Variants in PCDHGA4 observed in about 807,000 individuals in gnomAD.
PCDHGA4 encodes protocadherin gamma-A4.
PCDHGA4 carries 38 observed loss-of-function variants against 54.6 expected under a neutral mutation model. The observed-to-expected ratio is 0.70, with a 90% CI of 0.54 to 0.91. PCDHGA4 has a LOEUF of 0.91. Ranked by LOEUF, PCDHGA4 falls within the 40% of genes least tolerant of loss-of-function variation. The pLI, the probability that PCDHGA4 is intolerant of heterozygous loss-of-function variation, is 0.00. For missense variants in PCDHGA4, 1,298 were observed against 1,220.9 expected (o/e 1.06, Z -0.94); for synonymous variants, 511 against 512.9 (o/e 1.00, Z 0.05).
chr5:141,423,887 T>C, intron 1 of PCDHGA4: 2 of 1,282,240 alleles, frequency 1.6e-6, no homozygotes, highest in Non-Finnish European at 2.0e-6. Context: ...CTTGGCATAT[T>C]TTCTTTTGAT....
At chr5:141,435,103 G>A (rs1468698388) in intron 1 of PCDHGA4, among the ~76,000 whole-genome samples, 2 of 151,914 alleles carry the variant, frequency 1.3e-5, no homozygotes, top group African/African-American at 2.4e-5. Flanking sequence ...TTTATCTAGG[G>A]GGGAGAAATC....
chr5:141,393,683 G>T lies in PCDHGA4; in HGVS notation c.2514+36062G>T, dbSNP rs370409157. ...GGAAAATTAATGAAAAACAAACTCC[G>T]TTATTCCAGCTTAATGAAAATACTG... On this transcript the variant is annotated intron_variant, in intron 1 of 3. Transcript: ENST00000571252. The T allele has an allele frequency of 2.1e-5, 34 of 1,613,732 alleles. 1 individual carries two copies. The South Asian group carries it at 3.7e-4, about 18-fold the overall frequency.
intron 1 of PCDHGA4, chr5:141,377,057 C>A (rs72790015): frequency 0.063 from 9,654 of 152,822 alleles, 351 homozygotes; most frequent in African/African-American, 0.097. Context: ...TTTTCTTAGC[C>A]CTTTGCAGAG....
Position 141,432,211 on chromosome 5 carries a change from C to A in PCDHGA4, c.2515-62596C>A, listed in dbSNP as rs1390215329. On this transcript the variant is annotated intron_variant, in intron 1 of 3. Coordinates refer to ENST00000571252, the MANE Select transcript of PCDHGA4 (RefSeq NM_018917.4). The surrounding 1 kb of genome is among the most constrained non-coding windows in gnomAD (Gnocchi z 6.0). The stretch of plus-strand genomic sequence containing the variant: ...CCCACGACCCCGACTGTGAAGAGAA[C>A]GCCCAGATCACTTATTCCCTGGCTG... 1 of 1,614,232 alleles carries A rather than the reference C, an allele frequency of 6.2e-7. No individual in the cohort carries two copies. Among genetic ancestry groups the A allele is most frequent in the Admixed American group, 1.7e-5 (1 of 60,032 alleles).
chr5:141,376,010 G>A (rs1479116283), intron 1 of PCDHGA4: 4 of 1,613,424 alleles, frequency 2.5e-6, no homozygotes, highest in Middle Eastern at 1.7e-4. Flanking sequence ...GCAGAGCCTA[G>A]TGGTGGCCGT....
chr5:141,364,962 T>G, intron 1 of PCDHGA4: 1 of 1,613,878 alleles, frequency 6.2e-7, no homozygotes, highest in South Asian at 1.1e-5. Context: ...CACGACCTCC[T>G]CCTCACAGCT....
At chr5:141,464,116 T>A (rs1195883274) in intron 1 of PCDHGA4, among the ~76,000 whole-genome samples, 1 of 151,922 alleles carries the variant, frequency 6.6e-6, no homozygotes, top group African/African-American at 2.4e-5. Context: ...AATACAAAAA[T>A]TAGCTGGGTG....
At chr5:141,417,626 T>A (rs1156653216) in intron 1 of PCDHGA4, 3 of 689,458 alleles carry the variant, frequency 4.4e-6, no homozygotes, top group Non-Finnish European at 6.8e-6. Context: ...GAGCAAGCGC[T>A]GACGCCGGGG....
At chr5:141,482,611 G>T (rs1016481108) in intron 1 of PCDHGA4, among the ~76,000 whole-genome samples, 1 of 150,398 alleles carries the variant, frequency 6.6e-6, no homozygotes, top group Admixed American at 6.6e-5. Context: ...ACACCTAAAT[G>T]AGCCTGGAGA....
intron 1 of PCDHGA4, among the ~76,000 whole-genome samples, chr5:141,407,497 G>GTTTTTTTTTTTTTT (rs1554102286): frequency 6.6e-6 from 1 of 152,090 alleles, no homozygotes; most frequent in African/African-American, 2.4e-5. Context: ...CTTTATTTCT[G>GTTTTTTTTTTTTTT]TTTTTCTTAG....
chr5:141,363,612 G>T (rs961880726), intron 1 of PCDHGA4, among the ~76,000 whole-genome samples: 11 of 152,222 alleles, frequency 7.2e-5, no homozygotes, highest in Admixed American at 3.3e-4. Flanking sequence ...GTCTGAGATA[G>T]TGGAGAGACT....
chr5:141,372,042 G>T (rs373749332), intron 1 of PCDHGA4: 26 of 1,613,362 alleles, frequency 1.6e-5, no homozygotes, highest in African/African-American at 2.7e-5. Flanking sequence ...GAGCCTGCGC[G>T]TGTTGGTGGA....
In PCDHGA4 at chr5:141,489,242, TG is replaced by T; in HGVS notation, c.2515-5561del. 6.5e-7 allele frequency: 1 copy of T among 1,534,498 alleles called. No homozygotes were observed. The highest frequency in any genetic ancestry group is 2.3e-5 in the East Asian group (1 of 44,312). On this transcript the variant is annotated intron_variant, in intron 1 of 3. Transcript: ENST00000571252. The surrounding 1 kb of genome is among the most constrained non-coding windows in gnomAD (Gnocchi z 4.5). ...TCTCCACAAAGGGACTTCTGGGTCA[TG>T]GGGCCCAAGACACTCCCACAGCTCG...
intron 1 of PCDHGA4, chr5:141,372,263 G>T (rs373583904): frequency 2.5e-6 from 4 of 1,613,110 alleles, no homozygotes; most frequent in African/African-American, 1.3e-5. Flanking sequence ...GCCTGCGCAC[G>T]GGTGAGGTGC....
Position 141,370,856 on chromosome 5 carries a change from G to A in PCDHGA4, c.2514+13235G>A, listed in dbSNP as rs752174657. On this transcript the variant is annotated intron_variant, in intron 1 of 3. Coordinates refer to ENST00000571252, the MANE Select transcript of PCDHGA4 (RefSeq NM_018917.4). ...CTCTCACTGGAGCCACATTTGCCCT[G>A]GAATCTGCGCAAGATCCTGATGTAG... The A allele has an allele frequency of 1.9e-6, 3 of 1,613,928 alleles. No homozygotes were observed. The East Asian group carries it at 6.7e-5, about 36-fold the overall frequency.
chr5:141,419,269 C>G (rs1456612499), intron 1 of PCDHGA4: 1 of 1,614,034 alleles, frequency 6.2e-7, no homozygotes, highest in Admixed American at 1.7e-5. Flanking sequence ...CGGGTGCCTC[C>G]ATAGCGCAAG....
At chr5:141,430,786 C>G (rs992448490) in intron 1 of PCDHGA4, 1 of 1,513,352 alleles carries the variant, frequency 6.6e-7, no homozygotes, top group Non-Finnish European at 8.8e-7. Context: ...TGCACCGGGA[C>G]TACAAAGGGC....
chr5:141,500,520 T>TA (rs2099801149), intron 2 of PCDHGA4, among the ~76,000 whole-genome samples: 2 of 152,312 alleles, frequency 1.3e-5, no homozygotes, highest in Admixed American at 1.3e-4. Flanking sequence ...AGCTTCATTT[T>TA]AAAAAAATCT....
intron 1 of PCDHGA4, among the ~76,000 whole-genome samples, chr5:141,470,239 A>G (rs978204909): frequency 1.3e-5 from 2 of 152,232 alleles, no homozygotes; most frequent in African/African-American, 2.4e-5. Flanking sequence ...AAACCCTTGA[A>G]TGTCCCACCT....
Sources: allele counts gnomAD v4.1 joint callset (sites outside exome capture counted in the v4.1 genomes callset), GRCh38; gene constraint gnomAD v4.1.1; non-coding constraint Gnocchi (gnomAD v3.1); transcripts MANE v1.5; gene names NCBI Gene and HGNC (gene_info 2026-07-23, HGNC 2026-07-21).